The following MGME1 variants were observed in gnomAD, a reference collection of about 807,000 sequenced individuals.
MGME1 encodes mitochondrial genome maintenance exonuclease 1, also known as chromosome 20 open reading frame 72.
MGME1 carries 22 observed loss-of-function variants against 33.0 expected under a neutral mutation model. The ratio of observed to expected loss-of-function variants is 0.67; its 90% CI spans 0.48 to 0.95. The LOEUF (loss-of-function observed/expected upper bound fraction) is 0.95, where lower values mean the gene tolerates loss of function less well. Among genes scored for constraint, MGME1 ranks in the 40% least tolerant of loss-of-function variants. The pLI is 0.00. For missense variants in MGME1, 383 were observed against 397.8 expected, an observed-to-expected ratio of 0.96 and a Z score of 0.32; for synonymous variants, 133 against 144.0, an observed-to-expected ratio of 0.92 and a Z score of 0.55.
At chr20:17,989,418 A>AATAAATAAATAG (rs1028735308) in intron 4 of MGME1, among the ~76,000 whole-genome samples, 2 of 149,936 alleles carry the variant, frequency 1.3e-5, no homozygotes, top group Non-Finnish European at 3.0e-5. Flanking sequence ...TAAATAAATA[A>AATAAATAAATAG]ATAGCACTTT....
Position 17,975,704 on chromosome 20 carries a change from C to G in MGME1, c.532C>G (p.Arg178Gly), listed in dbSNP as rs143417446. 1.2e-6 allele frequency: 2 copies of G among 1,613,330 alleles called. No individual in the cohort carries two copies. Among genetic ancestry groups the G allele is most frequent in the Non-Finnish European group, 1.7e-6 (2 of 1,179,550 alleles). ...TTCAGACGTCTTTTTACAAGGGAAACGGTTCCACGAAGCCTTGGAAAGCAT... is the reference window on the plus strand; with the variant it reads ...TTCAGACGTCTTTTTACAAGGGAAAGGGTTCCACGAAGCCTTGGAAAGCAT... The part of the protein sequence containing the change: ...YTSNVFLQGK[R>G]FHEALESILS... The change falls in exon 3 of 5, where the codon CGG (arginine) becomes GGG (glycine). Residue 178 changes from arginine to glycine, a missense_variant. Coordinates refer to ENST00000377710, the MANE Select transcript of MGME1 (RefSeq NM_052865.4).
At chr20:17,988,724 A>G (rs950930759) in intron 4 of MGME1, among the ~76,000 whole-genome samples, 2 of 151,954 alleles carry the variant, frequency 1.3e-5, no homozygotes, top group African/African-American at 4.8e-5. Context: ...AAAGTTAAAA[A>G]ATAGAACTCC....
chr20:17,969,501 G>T (rs946055069), intron 1 of MGME1, among the ~76,000 whole-genome samples: 1 of 152,174 alleles, frequency 6.6e-6, no homozygotes, highest in Non-Finnish European at 1.5e-5. Context: ...CATGGGACGG[G>T]CTCCATCTTT....
chr20:17,969,666 T>C (rs987751278), intron 1 of MGME1, 135 bp from the exon 2 acceptor site: 3 of 548,730 alleles, frequency 5.5e-6, no homozygotes, highest in African/African-American at 3.8e-5. Flanking sequence ...TAAATTTTTT[T>C]TGGAGGCAGG....
chr20:17,969,152 T>A lies in MGME1; in HGVS notation c.-60+11T>A, dbSNP rs1433598637. On this transcript the variant is annotated intron_variant, in intron 1 of 4. Coordinates refer to ENST00000377710, the MANE Select transcript of MGME1 (RefSeq NM_052865.4). Reference sequence around the variant, plus strand: ...GTGGTGGCTTCCAAGGTACCGACACTTGCCGTAGGCTGGGCTTTTATTTAA... The same window carrying A: ...GTGGTGGCTTCCAAGGTACCGACACATGCCGTAGGCTGGGCTTTTATTTAA... 6.6e-6 allele frequency: 1 copy of A among 152,340 alleles called. No individual in the cohort carries two copies. The highest frequency in any genetic ancestry group is 2.4e-5 in the African/African-American group (1 of 41,474). 9.4% of individuals were successfully genotyped at this position (152,340 alleles called of 1,614,324 possible).
Position 17,989,564 on chromosome 20 carries a change from A to T in MGME1, c.865-375A>T, listed in dbSNP as rs567040399. On this transcript the variant is annotated intron_variant, in intron 4 of 4. Transcript: ENST00000377710. Reference sequence around the variant, plus strand: ...ACTCCATCATTACTAAAAATAGAAAAATCAGCCGGAAGTGGTGCCCGCCTC... The same window carrying T: ...ACTCCATCATTACTAAAAATAGAAATATCAGCCGGAAGTGGTGCCCGCCTC... 4.7e-5 allele frequency among the ~76,000 whole-genome samples: 7 copies of T among 149,686 alleles called. No individual in the cohort carries two copies. The South Asian group carries it at 1.5e-3, about 32-fold the overall frequency.
chr20:17,973,988 G>C (rs1244273962), intron 2 of MGME1, among the ~76,000 whole-genome samples: 3 of 150,952 alleles, frequency 2.0e-5, no homozygotes, highest in African/African-American at 7.3e-5. Flanking sequence ...TAGCATAACA[G>C]TCCCCCCTCT....
intron 2 of MGME1, 24 bp downstream of exon 2, chr20:17,970,394 A>G (rs764252113): frequency 5.1e-6 from 8 of 1,579,052 alleles, no homozygotes; most frequent in African/African-American, 1.4e-5. Context: ...TTCTGATTCT[A>G]TATGTTTGCT....
At chr20:17,973,908 C>A (rs62209760) in intron 2 of MGME1, among the ~76,000 whole-genome samples, 16,759 of 152,178 alleles carry the variant, frequency 0.11, 1,020 homozygotes, top group Middle Eastern at 0.18. Context: ...GGGTAACTTA[C>A]AATCCCTATT....
intron 3 of MGME1, among the ~76,000 whole-genome samples, chr20:17,979,205 T>C (rs1371606634): frequency 1.3e-5 from 2 of 150,358 alleles, no homozygotes; most frequent in African/African-American, 2.5e-5. Flanking sequence ...GCCTCCTGAG[T>C]AGTTGGGACC....
chr20:17,970,316 A>C lies in MGME1; in HGVS notation c.457A>C (p.Lys153Gln), dbSNP rs775832664. 3 of 1,614,076 alleles carry C rather than the reference A, an allele frequency of 1.9e-6. No individual in the cohort carries two copies. The highest frequency in any genetic ancestry group is 2.5e-6 in the Non-Finnish European group (3 of 1,180,050). The change falls in exon 2 of 5, where the codon AAA becomes CAA. Residue 153 changes from lysine to glutamine, a missense_variant. Transcript: ENST00000377710. ...KQQVFLLERWKQRMILELGED... is the reference protein window; with the variant it reads ...KQQVFLLERWQQRMILELGED... The stretch of plus-strand genomic sequence containing the variant: ...ACAGGTTTTCTTGTTGGAGAGGTGG[A>C]AACAGCGGATGATTCTGGAACTGGG...
intron 3 of MGME1, among the ~76,000 whole-genome samples, chr20:17,983,998 A>G (rs1047026405): frequency 1.3e-5 from 2 of 152,096 alleles, no homozygotes; most frequent in African/African-American, 4.8e-5. Flanking sequence ...CTGAGAAATC[A>G]TGGCTCAGAT....
chr20:17,986,731 A>G (rs1456629735), intron 3 of MGME1, among the ~76,000 whole-genome samples: 3 of 152,074 alleles, frequency 2.0e-5, no homozygotes, highest in African/African-American at 7.2e-5. Flanking sequence ...CATTTTAACA[A>G]TATTCTTCCA....
At chr20:17,975,075 T>A (rs868209220) in intron 2 of MGME1, among the ~76,000 whole-genome samples, 4 of 152,234 alleles carry the variant, frequency 2.6e-5, no homozygotes, top group Non-Finnish European at 5.9e-5. Context: ...CATAGTACCA[T>A]AAACTGGATG....
chr20:17,973,273 G>A (rs2035775084), intron 2 of MGME1, among the ~76,000 whole-genome samples: 2 of 151,636 alleles, frequency 1.3e-5, no homozygotes, highest in South Asian at 4.2e-4. Flanking sequence ...GAACCTGGGA[G>A]GTGGAGATTG....
rs188229911 is a variant in MGME1, at chr20:17,990,851, G to C, written c.*742G>C. 1.3e-5 allele frequency: 2 copies of C among 152,180 alleles called. No homozygotes were observed. The highest frequency in any genetic ancestry group is 3.9e-4 in the East Asian group (2 of 5,192). The allele number at this position is 152,180 out of a possible 1,614,324, so 9.4% of individuals were successfully genotyped here. ...CGTGAGTCAACAGATCATGTAGATA[G>C]AGTCAATTATTGTTTGTGGAGTTTT... On this transcript the variant is annotated 3_prime_UTR_variant, in exon 5 of 5. Transcript: ENST00000377710.
rs151250069 is a variant in MGME1 at position 17,988,364 on chromosome 20, G to A, written c.864+66G>A. On this transcript the variant is annotated intron_variant, in intron 4 of 4. Coordinates refer to ENST00000377710, the MANE Select transcript of MGME1 (RefSeq NM_052865.4). ...TTACTTAAAACTATAACTCCGGGCC[G>A]GGCGCAGTGGCTCATGCCTGTAATC... The A allele has an allele frequency of 5.8e-3, 9,010 of 1,542,704 alleles. 35 individuals carry two copies. Among genetic ancestry groups the A allele is most frequent in the South Asian group, 0.011 (882 of 81,890 alleles).
At chr20:17,972,461 G>A (rs190954947) in intron 2 of MGME1, among the ~76,000 whole-genome samples, 2 of 139,566 alleles carry the variant, frequency 1.4e-5, no homozygotes, top group East Asian at 4.1e-4. Flanking sequence ...TTTTTGCTAC[G>A]CTGATTTAAT....
rs771647893 is a variant in MGME1 at position 17,969,141 on chromosome 20, G to A, written c.-60G>A. The A allele has an allele frequency of 2.0e-5, 3 of 152,348 alleles. No individual in the cohort carries two copies. The highest frequency in any genetic ancestry group is 6.5e-5 in the Admixed American group (1 of 15,294). 9.4% of individuals were successfully genotyped at this position (152,348 alleles called of 1,614,324 possible). On this transcript the variant is annotated splice_region_variant and 5_prime_UTR_variant, in exon 1 of 5. Transcript: ENST00000377710. ...TTAAGCGAAGTGTGGTGGCTTCCAA[G>A]GTACCGACACTTGCCGTAGGCTGGG...
Sources: allele counts gnomAD v4.1 joint callset (sites outside exome capture counted in the v4.1 genomes callset), GRCh38; gene constraint gnomAD v4.1.1; transcripts MANE v1.5; gene names NCBI Gene and HGNC (gene_info 2026-07-23, HGNC 2026-07-21).